Variants in RNLS observed in about 807,000 individuals in gnomAD.
RNLS encodes renalase.
In RNLS, 39 loss-of-function variants were observed where a neutral mutation model predicts 39.8. The ratio of observed to expected loss-of-function variants is 0.98; its 90% CI spans 0.76 to 1.28. The LOEUF (loss-of-function observed/expected upper bound fraction) is 1.28. Ranked by LOEUF, RNLS falls within the 50% of genes most tolerant of loss-of-function variation. The probability of loss-of-function intolerance (pLI) is 0.00; values close to 1 mark genes in which losing one functional copy is unlikely to be tolerated. For synonymous variants in RNLS, 147 were observed against 150.7 expected (o/e 0.98, Z 0.18); for missense variants, 410 against 413.3 (o/e 0.99, Z 0.07).
intron 6 of RNLS, among the ~76,000 whole-genome samples, chr10:88,293,520 A>T (rs1843836454): frequency 6.6e-6 from 1 of 152,164 alleles, no homozygotes; most frequent in Non-Finnish European, 1.5e-5. Context: ...AGTGCATTTT[A>T]TATATATAAT....
chr10:88,341,455 A>G lies in RNLS; in HGVS notation c.700+21097T>C, dbSNP rs182586301. 9.5e-4 allele frequency among the ~76,000 whole-genome samples: 145 copies of G among 152,232 alleles called. 2 individuals carry two copies. The highest frequency in any genetic ancestry group is 1.3e-3 in the Non-Finnish European group (87 of 67,990). On this transcript the variant is annotated intron_variant, in intron 5 of 6. Transcript: ENST00000331772. Reference sequence around the variant, plus strand: ...ATAGACACTGAATGTATAAACAATGAATTACTTATGTAGACATAAGTACTT... The same window carrying G: ...ATAGACACTGAATGTATAAACAATGGATTACTTATGTAGACATAAGTACTT...
At chr10:88,462,425 G>T (rs1034458970) in intron 4 of RNLS, among the ~76,000 whole-genome samples, 8 of 151,932 alleles carry the variant, frequency 5.3e-5, no homozygotes, top group African/African-American at 1.9e-4. Flanking sequence ...AAAATTATCT[G>T]CCTCCATCAA....
At chr10:88,496,361 C>T (rs1309862301) in intron 4 of RNLS, among the ~76,000 whole-genome samples, 1 of 152,138 alleles carries the variant, frequency 6.6e-6, no homozygotes, top group Non-Finnish European at 1.5e-5. Context: ...ATTTCATTAA[C>T]CTGGCAAATG....
At chr10:88,553,537 T>C (rs544960051) in intron 4 of RNLS, among the ~76,000 whole-genome samples, 66 of 152,242 alleles carry the variant, frequency 4.3e-4, no homozygotes, top group African/African-American at 1.5e-3. Context: ...AATCTCTCAT[T>C]AAGATTTTAT....
intron 4 of RNLS, among the ~76,000 whole-genome samples, chr10:88,477,211 C>T (rs1252116336): frequency 6.6e-6 from 1 of 151,956 alleles, no homozygotes; most frequent in Non-Finnish European, 1.5e-5. Context: ...AAGACTGTTC[C>T]ATGTGTACAT....
intron 4 of RNLS, among the ~76,000 whole-genome samples, chr10:88,458,277 C>CA (rs1229493584): frequency 2.6e-5 from 4 of 152,216 alleles, no homozygotes; most frequent in Non-Finnish European, 4.4e-5. Context: ...AGAAGCATAG[C>CA]AAAACCTACC....
In RNLS at chr10:88,575,137, TATATATATATATATATATATATACAC is replaced by T. The variant is rs1324884916; in HGVS notation, c.368-2102_368-2077del. 5.1e-3 allele frequency among the ~76,000 whole-genome samples: 160 copies of T among 31,306 alleles called. 2 individuals carry two copies. The highest frequency in any genetic ancestry group is 0.044 in the Middle Eastern group (3 of 68). The allele number at this position is 31,306 out of a possible 152,430, so 20.5% of individuals were successfully genotyped here. On this transcript the variant is annotated intron_variant, in intron 3 of 6. Coordinates refer to ENST00000331772, the MANE Select transcript of RNLS (RefSeq NM_001031709.3). ...GTGTTCTGCAAAGTATATATATATA[TATATATATATATATATATATATACAC>T]ACACACACACACACACATATTATAT...
chr10:88,506,897 G>T (rs1845827065), intron 4 of RNLS, among the ~76,000 whole-genome samples: 1 of 152,120 alleles, frequency 6.6e-6, no homozygotes, highest in African/African-American at 2.4e-5. Flanking sequence ...GAGGTAACGG[G>T]GTTGGTCACT....
chr10:88,327,098 A>G (rs972117078), intron 5 of RNLS, among the ~76,000 whole-genome samples: 7 of 152,126 alleles, frequency 4.6e-5, no homozygotes, highest in African/African-American at 1.7e-4. Context: ...ACAGGCTCGT[A>G]GGTGGAAGGG....
At position 88,583,136 on chromosome 10, in the gene RNLS, G is replaced by C. The variant is rs1850754497; in HGVS notation, c.55C>G (p.Leu19Val). 4 of 1,614,010 alleles carry C rather than the reference G, an allele frequency of 2.5e-6. No individual in the cohort carries two copies. Among genetic ancestry groups the C allele is most frequent in the Middle Eastern group, 1.6e-4 (1 of 6,084 alleles). The change falls in exon 1 of 7, where the codon CTG (leucine) becomes GTG (valine). Residue 19 changes from leucine (L) to valine (V), a missense_variant. Transcript: ENST00000331772. Reference sequence around the variant, plus strand: ...GGACCGGACGTCTGCCTCCTCAGCAGCGCAGCGCACAAGCTTCCTGTCATC... The same window carrying C: ...GGACCGGACGTCTGCCTCCTCAGCACCGCAGCGCACAAGCTTCCTGTCATC... ...AGMTGSLCAALLRRQTSGPLY... is the reference protein window; with the variant it reads ...AGMTGSLCAAVLRRQTSGPLY...
intron 4 of RNLS, among the ~76,000 whole-genome samples, chr10:88,365,790 A>G (rs1198378890): frequency 6.6e-6 from 1 of 151,956 alleles, no homozygotes; most frequent in Non-Finnish European, 1.5e-5. Flanking sequence ...AGAAAAAGAG[A>G]GAGAAGAGGA....
chr10:88,581,294 G>GTGTGTATATA (rs1376395535), intron 3 of RNLS, among the ~76,000 whole-genome samples: 6 of 129,870 alleles, frequency 4.6e-5, no homozygotes, highest in African/African-American at 1.5e-4. Flanking sequence ...GTGTGTGTGT[G>GTGTGTATATA]TATATATATA....
rs148977593 is a variant in RNLS at position 88,581,661 on chromosome 10, C to A, written c.273G>T (p.Ser91=). 3 of 1,601,238 alleles carry A rather than the reference C, an allele frequency of 1.9e-6. No homozygotes were observed. Among genetic ancestry groups the A allele is most frequent in the Non-Finnish European group, 1.7e-6 (2 of 1,173,818 alleles). The part of the protein sequence containing the change: ...LAYGVLRPLS[S]PIEGMVMKEG... ...CTTTCATCACCATTCCTTCAATAGGCGAGCTTAGAGGCCTCAAAACGCCAT... is the reference window on the plus strand; with the variant it reads ...CTTTCATCACCATTCCTTCAATAGGAGAGCTTAGAGGCCTCAAAACGCCAT... The change falls in exon 3 of 7, where the codon TCG becomes TCT. Residue 91 remains serine (S), a synonymous_variant. Coordinates refer to ENST00000331772, the MANE Select transcript of RNLS (RefSeq NM_001031709.3).
the RNLS span, among the ~76,000 whole-genome samples, chr10:88,244,521 G>C: frequency 2.0e-5 from 3 of 152,174 alleles, no homozygotes; most frequent in Non-Finnish European, 4.4e-5. Flanking sequence ...CTGCTTTGCT[G>C]TGTTTCTTTA....
At chr10:88,266,755 G>A in the RNLS span, among the ~76,000 whole-genome samples, 10 of 143,812 alleles carry the variant, frequency 7.0e-5, no homozygotes, top group East Asian at 2.1e-3. Flanking sequence ...CACCACAAAT[G>A]CCAAACAACT....
the RNLS span, among the ~76,000 whole-genome samples, chr10:88,195,023 G>A: frequency 1.3e-5 from 2 of 152,198 alleles, no homozygotes; most frequent in African/African-American, 2.4e-5. Context: ...ATACTCGAGT[G>A]AGTCTGTCAA....
chr10:88,573,174 C>A, intron 3 of RNLS, 113 bp from the exon 4 acceptor site: 1 of 904,044 alleles, frequency 1.1e-6, no homozygotes. Context: ...CCAAGACTGT[C>A]TTCTACTGTC....
chr10:88,284,264 T>C lies in RNLS; in HGVS notation c.*1090A>G, dbSNP rs866671128. On this transcript the variant is annotated 3_prime_UTR_variant, in exon 7 of 7. Coordinates refer to ENST00000331772, the MANE Select transcript of RNLS (RefSeq NM_001031709.3). ...TGTAAGTGTGAAACTTTAAACACTATTACAGTAAGAAGTCTTTTGTTGAAC... is the reference window on the plus strand; with the variant it reads ...TGTAAGTGTGAAACTTTAAACACTACTACAGTAAGAAGTCTTTTGTTGAAC... 9.1e-6 allele frequency: 9 copies of C among 985,262 alleles called. No individual in the cohort carries two copies. Among genetic ancestry groups the C allele is most frequent in the Middle Eastern group, 5.2e-4 (1 of 1,936 alleles). The allele number at this position is 985,262 out of a possible 1,614,324, so 61.0% of individuals were successfully genotyped here.
chr10:88,235,784 T>G, the RNLS span, among the ~76,000 whole-genome samples: 2 of 152,190 alleles, frequency 1.3e-5, no homozygotes, highest in South Asian at 2.1e-4. Flanking sequence ...TATATATATA[T>G]AGACAGAGAG....
Sources: gnomAD v4.1 joint callset for allele counts (sites outside exome capture counted in the v4.1 genomes callset) on GRCh38, gnomAD v4.1.1 for gene constraint, MANE v1.5 for transcripts, NCBI Gene and HGNC (gene_info 2026-07-23, HGNC 2026-07-21) for gene names.